Variants in PDE10A observed in about 807,000 individuals in gnomAD.
PDE10A encodes the protein cAMP and cAMP-inhibited cGMP 3',5'-cyclic phosphodiesterase 10A.
In PDE10A, 39 loss-of-function variants were observed where a neutral mutation model predicts 97.7. That is an observed-to-expected ratio of 0.40 (90% CI 0.31 to 0.52). The LOEUF is 0.52. PDE10A is among the 20% of genes least tolerant of loss of function. The pLI is 0.56. For missense variants in PDE10A, 731 were observed against 1,047.8 expected, an observed-to-expected ratio of 0.70 and a Z score of 4.17; for synonymous variants, 371 against 376.8, an observed-to-expected ratio of 0.98 and a Z score of 0.18.
At chr6:165,568,592 A>T (rs183902378) in intron 1 of PDE10A, among the ~76,000 whole-genome samples, 4 of 152,246 alleles carry the variant, frequency 2.6e-5, no homozygotes, top group Admixed American at 2.0e-4. Flanking sequence ...TTATCAGATC[A>T]ACTGTCATGG....
At chr6:165,601,362 C>A (rs1786939898) in intron 1 of PDE10A, among the ~76,000 whole-genome samples, 1 of 152,070 alleles carries the variant, frequency 6.6e-6, no homozygotes, top group African/African-American at 2.4e-5. Context: ...CTCTAGCTAC[C>A]CAAATATAAC....
upstream of PDE10A, among the ~76,000 whole-genome samples, chr6:165,665,236 G>A (rs1044058067): frequency 6.6e-6 from 1 of 152,200 alleles, no homozygotes; most frequent in Non-Finnish European, 1.5e-5. Flanking sequence ...AGTCTCAGAG[G>A]CATTCAGCCA....
chr6:165,508,044 T>C (rs1781300600), intron 2 of PDE10A, among the ~76,000 whole-genome samples: 1 of 152,116 alleles, frequency 6.6e-6, no homozygotes, highest in Admixed American at 6.6e-5. Flanking sequence ...AGTAGTATTT[T>C]AAAAGGCCAT....
chr6:165,442,188 A>T (rs1790518009), intron 5 of PDE10A, among the ~76,000 whole-genome samples: 1 of 152,178 alleles, frequency 6.6e-6, no homozygotes. Context: ...ACATGTGCAC[A>T]ACGTGCAGGT....
chr6:165,764,814 G>C (rs533631311), intron 1 of PDE10A, among the ~76,000 whole-genome samples: 155 of 152,236 alleles, frequency 1.0e-3, no homozygotes, highest in African/African-American at 3.6e-3. Context: ...ACAGAGTGTC[G>C]AAGGGGACCC....
rs574659226 is a variant in PDE10A, at chr6:165,511,390, A to C, written c.995-29047T>G. Among the ~76,000 whole-genome samples the C allele has an allele frequency of 2.0e-5, 3 of 150,882 alleles. No homozygotes were observed. The South Asian group carries it at 6.3e-4, about 32-fold the overall frequency. On this transcript the variant is annotated intron_variant, in intron 2 of 21. Transcript: ENST00000539869. ...TTATTGTAGTCTGAGAAGATACTTG[A>C]TTTCAAAATTTTTAAAATATCTTGA...
At chr6:165,722,141 C>T (rs1371566863) in intron 1 of PDE10A, among the ~76,000 whole-genome samples, 1 of 152,234 alleles carries the variant, frequency 6.6e-6, no homozygotes, top group African/African-American at 2.4e-5. Flanking sequence ...CCTGATTAAT[C>T]TCATCTTACT....
chr6:165,759,907 C>T (rs1793211303), intron 1 of PDE10A, among the ~76,000 whole-genome samples: 1 of 152,170 alleles, frequency 6.6e-6, no homozygotes, highest in South Asian at 2.1e-4. Flanking sequence ...AGCTCTAAAA[C>T]TTGTCTAGTA....
At chr6:165,409,068 G>A (rs1787481855) in intron 13 of PDE10A, among the ~76,000 whole-genome samples, 1 of 150,264 alleles carries the variant, frequency 6.7e-6, no homozygotes, top group Admixed American at 6.6e-5. Context: ...GGGAGGCTGA[G>A]GCAGGAGAAT....
At chr6:165,668,448 A>G (rs577336397) in intron 1 of PDE10A, among the ~76,000 whole-genome samples, 16 of 152,330 alleles carry the variant, frequency 1.1e-4, no homozygotes, top group African/African-American at 3.6e-4. Flanking sequence ...TGAAATAAGT[A>G]GCTCTTCATC....
At chr6:165,915,010 C>A (rs530689278) in intron 1 of PDE10A, among the ~76,000 whole-genome samples, 27 of 151,928 alleles carry the variant, frequency 1.8e-4, no homozygotes, top group Non-Finnish European at 3.8e-4. Flanking sequence ...CTGTCCCATG[C>A]ACATTTTACT....
chr6:165,435,240 A>G lies in PDE10A; in HGVS notation c.1332T>C (p.Leu444=). 2 of 1,613,090 alleles carry G rather than the reference A, an allele frequency of 1.2e-6. No individual in the cohort carries two copies. The highest frequency in any genetic ancestry group is 1.7e-6 in the Non-Finnish European group (2 of 1,179,520). Reference sequence around the variant, plus strand: ...AAAGAATCAAAAAGCCACTTACTCCAAGGATGTCTTCTACTAGCAGTGTTT... The same window carrying G: ...AAAGAATCAAAAAGCCACTTACTCCGAGGATGTCTTCTACTAGCAGTGTTT... ...SRKTLLVEDI[L]GDERFPRGTG... The change falls in exon 6 of 22, where the codon CTT becomes CTC. Residue 444 remains leucine (L), a synonymous_variant. Coordinates refer to ENST00000539869, the MANE Select transcript of PDE10A (RefSeq NM_001385079.1).
chr6:165,400,792 C>T (rs1029368070), intron 13 of PDE10A, among the ~76,000 whole-genome samples: 3 of 151,956 alleles, frequency 2.0e-5, no homozygotes, highest in Admixed American at 2.0e-4. Context: ...AGTGTAATAG[C>T]CAAAAACTGG....
At chr6:165,876,752 G>A (rs1781356015) in intron 1 of PDE10A, among the ~76,000 whole-genome samples, 1 of 152,144 alleles carries the variant, frequency 6.6e-6, no homozygotes, top group Non-Finnish European at 1.5e-5. Flanking sequence ...GCCTGCAAAC[G>A]ATCATAACAT....
rs1781230545 is a variant in PDE10A, at chr6:165,329,608, T to G, written c.*3417A>C. The G allele has an allele frequency of 6.6e-6, 1 of 152,094 alleles. No individual in the cohort carries two copies. Among genetic ancestry groups the G allele is most frequent in the African/African-American group, 2.4e-5 (1 of 41,400 alleles). 9.4% of individuals were successfully genotyped at this position (152,094 alleles called of 1,614,324 possible). A position where few individuals can be genotyped will look rare whatever the true frequency, so the allele number is the denominator to read the frequency against. ...ATGCATCTATTTATATCCTGTACAA[T>G]ACAGGATTTGTCTCGCATACACAAA... is the stretch of plus-strand genomic sequence containing the variant. On this transcript the variant is annotated 3_prime_UTR_variant, in exon 22 of 22. Transcript: ENST00000539869.
chr6:165,900,138 A>G (rs1010037975), intron 1 of PDE10A, among the ~76,000 whole-genome samples: 1 of 152,168 alleles, frequency 6.6e-6, no homozygotes, highest in African/African-American at 2.4e-5. Context: ...TCTCTGTCCT[A>G]GAGACACGTG....
At chr6:165,619,647 G>A (rs1250338043) in intron 1 of PDE10A, among the ~76,000 whole-genome samples, 1 of 116,556 alleles carries the variant, frequency 8.6e-6, no homozygotes, top group African/African-American at 3.4e-5. Flanking sequence ...GTGTAGTATA[G>A]TCTAGTGTAG....
intron 1 of PDE10A, among the ~76,000 whole-genome samples, chr6:165,927,647 CATATATATATATATATATAT>C (rs71029572): frequency 2.7e-5 from 2 of 73,238 alleles, no homozygotes; most frequent in African/African-American, 1.2e-4. Flanking sequence ...ATGAGAATGA[CATATATATATATATATATAT>C]ATATATATAT....
chr6:165,633,788 G>A (rs1277694200), intron 1 of PDE10A, among the ~76,000 whole-genome samples: 5 of 72,444 alleles, frequency 6.9e-5, no homozygotes, highest in Middle Eastern at 7.2e-3. Flanking sequence ...CCACCACGCC[G>A]GGCTAATTTT....
Sources: gnomAD v4.1 joint callset for allele counts (sites outside exome capture counted in the v4.1 genomes callset) on GRCh38, gnomAD v4.1.1 for gene constraint, MANE v1.5 for transcripts, NCBI Gene and HGNC (gene_info 2026-07-23, HGNC 2026-07-21) for gene names.